SPTBN5: variants seen among roughly 807,000 people sequenced by gnomAD.
The protein encoded by SPTBN5 is spectrin beta, non-erythrocytic 5.
SPTBN5 carries 513 observed loss-of-function variants against 477.6 expected under a neutral mutation model. The ratio of observed to expected loss-of-function variants is 1.07; its 90% CI spans 1.00 to 1.16. The LOEUF (loss-of-function observed/expected upper bound fraction) is 1.16. Ranked by LOEUF, SPTBN5 falls within the 50% of genes most tolerant of loss-of-function variation. SPTBN5 has a pLI of 0.00. For missense variants in SPTBN5, 5,062 were observed against 4,731.8 expected, an observed-to-expected ratio of 1.07 and a Z score of -2.05; for synonymous variants, 2,169 against 2,011.7, an observed-to-expected ratio of 1.08 and a Z score of -2.09.
chr15:41,868,908 G>A (rs2066434805), intron 32 of SPTBN5, among the ~76,000 whole-genome samples: 1 of 152,202 alleles, frequency 6.6e-6, no homozygotes, highest in African/African-American at 2.4e-5. Flanking sequence ...GAGAGGACTG[G>A]CGGCTAGCAA....
rs1348456948 is a variant in SPTBN5 at position 41,872,469 on chromosome 15, A to C, written c.5008-10T>G. ...GTTCCTCCTGTAGAGCCTATGATGCATGAGGACCCATGCCAGGCTCAGCCT... is the reference window on the plus strand; with the variant it reads ...GTTCCTCCTGTAGAGCCTATGATGCCTGAGGACCCATGCCAGGCTCAGCCT... On this transcript the variant is annotated splice_polypyrimidine_tract_variant and intron_variant, in intron 26 of 67. Transcript: ENST00000320955. The C allele has an allele frequency of 1.3e-6, 2 of 1,548,636 alleles. No individual in the cohort carries two copies. Among genetic ancestry groups the C allele is most frequent in the Non-Finnish European group, 1.7e-6 (2 of 1,145,782 alleles).
At chr15:41,870,608 T>A (rs751898636) in intron 29 of SPTBN5, 48 bp from the exon 30 acceptor site, 1 of 1,510,178 alleles carries the variant, frequency 6.6e-7, no homozygotes, top group Admixed American at 1.8e-5. Flanking sequence ...TGCCGGGCCG[T>A]GTCATTCCTC....
chr15:41,893,616 C>G (rs1303690702), intron 1 of SPTBN5, 70 bp from the exon 2 acceptor site: 8 of 1,446,968 alleles, frequency 5.5e-6, no homozygotes, highest in Non-Finnish European at 6.4e-6. Context: ...TGGGGTCCCG[C>G]CTTGCCAGAC....
chr15:41,857,280 AGGCAGT>A lies in SPTBN5; in HGVS notation c.8573_8578del (p.His2858_Cys2859del). 1.3e-6 allele frequency: 2 copies of A among 1,574,778 alleles called. No homozygotes were observed. The highest frequency in any genetic ancestry group is 1.7e-6 in the Non-Finnish European group (2 of 1,160,458). On this transcript the variant is annotated inframe_deletion, in exon 51 of 68. Transcript: ENST00000320955. ...GGCCTGCTCTTCCACATCTTGGGCA[AGGCAGT>A]GGCCTTCCCTCACAAAGGCCTGGGC...
In SPTBN5 at chr15:41,869,836, C is replaced by G. The variant is rs2066470583; in HGVS notation, c.5853+5G>C. On this transcript the variant is annotated splice_donor_5th_base_variant and intron_variant, in intron 32 of 67. Coordinates refer to ENST00000320955, the MANE Select transcript of SPTBN5 (RefSeq NM_016642.4). ...ACACACCACCCAAAGGGCAGGAGCC[C>G]TCACCGCCGTGCGGAAGCGGGCCAG... 2 of 1,552,862 alleles carry G rather than the reference C, an allele frequency of 1.3e-6. No homozygotes were observed. The highest frequency in any genetic ancestry group is 1.7e-6 in the Non-Finnish European group (2 of 1,160,622).
rs2066904779 is a variant in SPTBN5, at chr15:41,880,306, T to C, written c.2665A>G (p.Arg889Gly). ...ESLRALAQLR[R>G]ARLEEAMALF... Reference sequence around the variant, plus strand: ...GCCATGGCCTCCTCCAACCGGGCCCTGCGGAGCTGGGGAGAGGTGGCCCAA... The same window carrying C: ...GCCATGGCCTCCTCCAACCGGGCCCCGCGGAGCTGGGGAGAGGTGGCCCAA... The change falls in exon 14 of 68, where the codon AGG becomes GGG. Residue 889 changes from arginine to glycine, a missense_variant. Coordinates refer to ENST00000320955, the MANE Select transcript of SPTBN5 (RefSeq NM_016642.4). 2 of 1,601,882 alleles carry C rather than the reference T, an allele frequency of 1.2e-6. No homozygotes were observed. The highest frequency in any genetic ancestry group is 1.7e-6 in the Non-Finnish European group (2 of 1,175,264).
At position 41,873,905 on chromosome 15, in the gene SPTBN5, C is replaced by A; in HGVS notation, c.4830G>T (p.Glu1610Asp). Residue 1610 changes from glutamate (E) to aspartate (D), a missense_variant, in exon 25 of 68, where the codon GAG becomes GAT. Coordinates refer to ENST00000320955, the MANE Select transcript of SPTBN5 (RefSeq NM_016642.4). ...QCQELEGHWA[E>D]LERACEARAQ... is the part of the protein sequence containing the mutation. ...CCCGCGCTTCACATGCCCTCTCCAG[C>A]TCTGCCCAGTGGCCTTCCAGCTCCT... 6.2e-7 allele frequency: 1 copy of A among 1,611,500 alleles called. No individual in the cohort carries two copies. The highest frequency in any genetic ancestry group is 1.1e-5 in the South Asian group (1 of 91,088).
chr15:41,860,770 G>T lies in SPTBN5; in HGVS notation c.7816-12C>A. ...GGGGCCAAGGGGTCCTGGTGGGAGTGGGGAACCCAATACTGTCCATGAGCC... is the reference window on the plus strand; with the variant it reads ...GGGGCCAAGGGGTCCTGGTGGGAGTTGGGAACCCAATACTGTCCATGAGCC... On this transcript the variant is annotated splice_polypyrimidine_tract_variant and intron_variant, in intron 46 of 67. Transcript: ENST00000320955. 6.4e-7 allele frequency: 1 copy of T among 1,563,266 alleles called. No individual in the cohort carries two copies. Among genetic ancestry groups the T allele is most frequent in the Non-Finnish European group, 8.6e-7 (1 of 1,156,114 alleles).
chr15:41,866,200 G>T lies in SPTBN5; in HGVS notation c.6660C>A (p.His2220Gln), dbSNP rs1306558263. 5.0e-6 allele frequency: 8 copies of T among 1,587,802 alleles called. No homozygotes were observed. Among genetic ancestry groups the T allele is most frequent in the Non-Finnish European group, 6.0e-6 (7 of 1,169,472 alleles). The change falls in exon 38 of 68, where the codon CAC becomes CAA. Residue 2220 changes from histidine (H) to glutamine (Q), a missense_variant. Physicochemically the swap from His to Gln is conservative, Grantham distance 24. Transcript: ENST00000320955. ...GCTGGGAGACCTCTCCGGCTCGAGG[G>T]TGACTCTGTGCCAGGAGAGCCTCTC... is the stretch of plus-strand genomic sequence containing the variant. ...KKGEALLAQS[H>Q]PRAGEVSQRL...
At position 41,875,065 on chromosome 15, in the gene SPTBN5, G is replaced by A; in HGVS notation, c.4288-9C>T. ...AGCTGCTCCTTTGCATCCTGGGAGG[G>A]ACGCATGGAGCTGCATTAGGTTCTC... On this transcript the variant is annotated splice_polypyrimidine_tract_variant and intron_variant, in intron 22 of 67. Transcript: ENST00000320955. The A allele has an allele frequency of 6.2e-7, 1 of 1,604,570 alleles. No individual in the cohort carries two copies. The highest frequency in any genetic ancestry group is 8.5e-7 in the Non-Finnish European group (1 of 1,174,658).
At position 41,862,393 on chromosome 15, in the gene SPTBN5, C is replaced by G. The variant is rs2073398478; in HGVS notation, c.7386-101G>C. 13 of 1,520,034 alleles carry G rather than the reference C, an allele frequency of 8.6e-6. No individual in the cohort carries two copies. The South Asian group carries it at 1.7e-4, about 19-fold the overall frequency. The allele number at this position is 1,520,034 out of a possible 1,614,324, so 94.2% of individuals were successfully genotyped here. On this transcript the variant is annotated intron_variant, in intron 43 of 67. Coordinates refer to ENST00000320955, the MANE Select transcript of SPTBN5 (RefSeq NM_016642.4). ...CTTAATCCCCTCAACCACAGGAGGG[C>G]CCATGGGCTGGGAGTTACTGGGAGG...
At chr15:41,866,014 GC>G in intron 38 of SPTBN5, 23 bp downstream of exon 38, 1 of 1,549,540 alleles carries the variant, frequency 6.5e-7, no homozygotes. Context: ...CCATCTCTCA[GC>G]CCCCACCCAG....
chr15:41,874,708 G>A (rs567512001), intron 23 of SPTBN5, 134 bp downstream of exon 23: 53 of 1,003,096 alleles, frequency 5.3e-5, no homozygotes, highest in Admixed American at 8.5e-5. Context: ...TGGGGTCTCC[G>A]ACCCTCCCAT....
chr15:41,870,901 T>A (rs1052233603), intron 29 of SPTBN5, among the ~76,000 whole-genome samples: 8 of 152,352 alleles, frequency 5.3e-5, no homozygotes, highest in Admixed American at 2.0e-4. Flanking sequence ...CATCTCTCCG[T>A]TCCTCGCTAA....
At chr15:41,887,534 T>G in intron 5 of SPTBN5, 93 bp from the exon 6 acceptor site, 66 of 932,008 alleles carry the variant, frequency 7.1e-5, no homozygotes, top group Non-Finnish European at 9.9e-5. Context: ...CTATTGGCCA[T>G]TCACATCTTC....
chr15:41,864,294 G>A (rs2140931811), intron 39 of SPTBN5, among the ~76,000 whole-genome samples: 1 of 152,316 alleles, frequency 6.6e-6, no homozygotes, highest in East Asian at 1.9e-4. Context: ...GTACCATGTA[G>A]GAGGGGGAGA....
Position 41,886,241 on chromosome 15 carries a change from C to A in SPTBN5, c.1014G>T (p.Leu338=). The A allele has an allele frequency of 2.5e-6, 4 of 1,613,124 alleles. No individual in the cohort carries two copies. The Middle Eastern group carries it at 5.0e-4, about 200-fold the overall frequency. The change falls in exon 7 of 68, where the codon CTG becomes CTT. Residue 338 remains leucine (L), a synonymous_variant. Transcript: ENST00000320955. ...QLEARDFPDS[L]PAMRQLLAAF... ...CTGCCAGTAGCTGCCGCATGGCGGG[C>A]AGCGAGTCTGGAAAATCCCGCGCCT...
At chr15:41,889,709 C>A (rs982303178) in intron 4 of SPTBN5, among the ~76,000 whole-genome samples, 2 of 152,168 alleles carry the variant, frequency 1.3e-5, no homozygotes, top group Non-Finnish European at 2.9e-5. Context: ...GGGACTCCCT[C>A]CACACATTTC....
At position 41,861,777 on chromosome 15, in the gene SPTBN5, C is replaced by T. The variant is rs1225368036; in HGVS notation, c.7695G>A (p.Trp2565Ter). The change falls in exon 45 of 68, where the codon TGG becomes TGA. Residue 2565 changes from tryptophan (W) to a stop codon, truncating the protein, a stop_gained. Transcript: ENST00000320955. LOFTEE classifies it high-confidence loss of function. ...GCTGCAGCTGTAGCTGATGCTCCTG[C>T]CAGGCCCCTTCCAGGCTGCTCAGCT... ...EQELSSLEGA[W>*]QEHQLQLQQA... 2 of 1,558,254 alleles carry T rather than the reference C, an allele frequency of 1.3e-6. No individual in the cohort carries two copies. Among genetic ancestry groups the T allele is most frequent in the Non-Finnish European group, 8.7e-7 (1 of 1,155,556 alleles).
Sources: gnomAD v4.1 joint callset for allele counts (sites outside exome capture counted in the v4.1 genomes callset) on GRCh38, gnomAD v4.1.1 for gene constraint, MANE v1.5 for transcripts, NCBI Gene and HGNC (gene_info 2026-07-23, HGNC 2026-07-21) for gene names.